The following SMIM21 variants were observed in gnomAD, a reference collection of about 807,000 sequenced individuals.
SMIM21 encodes the protein chromosome 18 open reading frame 62.
SMIM21 carries 8 observed loss-of-function variants against 8.6 expected under a neutral mutation model. The observed-to-expected ratio is 0.93, with a 90% CI of 0.55 to 1.68. SMIM21 has a LOEUF of 1.68. SMIM21 is among the 40% of genes most tolerant of loss of function. The pLI, the probability that SMIM21 is intolerant of heterozygous loss-of-function variation, is 0.00. For synonymous variants in SMIM21, 43 were observed against 41.7 expected (o/e 1.03, Z -0.12); for missense variants, 132 against 123.0 (o/e 1.07, Z -0.35).
In SMIM21 at chr18:75,418,881, C is replaced by T. The variant is rs201739657; in HGVS notation, c.165G>A (p.Leu55=). The change falls in exon 2 of 3, where the codon TTG becomes TTA. Residue 55 remains leucine, a synonymous_variant. Transcript: ENST00000579022. ...ENEHHIRFFT[L]LVLFHVMVLL... ...ACACCATCACATGGAAAAGAACCAA[C>T]AATGTGAAGAAACGAATATGGTGTT... 1 of 1,604,732 alleles carries T rather than the reference C, an allele frequency of 6.2e-7. No individual in the cohort carries two copies. The highest frequency in any genetic ancestry group is 8.5e-7 in the Non-Finnish European group (1 of 1,171,798).
At chr18:75,413,242 T>C (rs1382833288) in intron 2 of SMIM21, among the ~76,000 whole-genome samples, 1 of 152,198 alleles carries the variant, frequency 6.6e-6, no homozygotes, top group African/African-American at 2.4e-5. Context: ...TCCAGAGCCC[T>C]AGCCCATGCC....
At chr18:75,414,333 A>C (rs1215615162) in intron 2 of SMIM21, among the ~76,000 whole-genome samples, 2 of 152,182 alleles carry the variant, frequency 1.3e-5, no homozygotes, top group African/African-American at 4.8e-5. Flanking sequence ...TTTATTGTGC[A>C]CTTACTACAT....
chr18:75,411,022 AT>A, intron 2 of SMIM21, 113 bp from the exon 3 acceptor site: 4 of 1,432,604 alleles, frequency 2.8e-6, no homozygotes, highest in Admixed American at 2.0e-5. Context: ...TTAAAATTTA[AT>A]TTTTCCCCCC....
At chr18:75,425,080 C>T (rs573929403) in intron 1 of SMIM21, among the ~76,000 whole-genome samples, 2 of 152,292 alleles carry the variant, frequency 1.3e-5, no homozygotes, top group Non-Finnish European at 2.9e-5. Context: ...ACAGATGATA[C>T]AAATGTGCAC....
intron 2 of SMIM21, 54 bp downstream of exon 2, chr18:75,418,732 A>C: frequency 6.7e-7 from 1 of 1,490,316 alleles, no homozygotes; most frequent in Non-Finnish European, 9.0e-7. Flanking sequence ...TCGTTTACTC[A>C]CTTTCAAAAT....
At chr18:75,421,150 A>T (rs935887292) in intron 1 of SMIM21, among the ~76,000 whole-genome samples, 3 of 152,224 alleles carry the variant, frequency 2.0e-5, no homozygotes, top group Non-Finnish European at 4.4e-5. Flanking sequence ...TAAAACAAAT[A>T]CAAAACAAAA....
intron 2 of SMIM21, 142 bp from the exon 3 acceptor site, chr18:75,411,051 T>C: frequency 8.1e-7 from 1 of 1,238,346 alleles, no homozygotes; most frequent in Non-Finnish European, 1.1e-6. Context: ...TGGAGTGTTT[T>C]GAGGCTGAGG....
chr18:75,418,945 T>C, intron 1 of SMIM21, 29 bp from the exon 2 acceptor site: 1 of 1,495,518 alleles, frequency 6.7e-7, no homozygotes, highest in Non-Finnish European at 9.3e-7. Context: ...ACAGTTACTA[T>C]TTACAGTGTC....
chr18:75,415,224 T>C (rs1483412731), intron 2 of SMIM21, among the ~76,000 whole-genome samples: 1 of 152,176 alleles, frequency 6.6e-6, no homozygotes, highest in African/African-American at 2.4e-5. Flanking sequence ...GCGCCCACAG[T>C]GACAGTGGAT....
At chr18:75,413,163 G>T (rs2024601229) in intron 2 of SMIM21, among the ~76,000 whole-genome samples, 1 of 152,074 alleles carries the variant, frequency 6.6e-6, no homozygotes, top group Non-Finnish European at 1.5e-5. Flanking sequence ...GATGCTTCCT[G>T]AAGAAAGTCT....
intron 2 of SMIM21, chr18:75,416,960 A>C (rs1187241871): frequency 6.6e-6 from 1 of 152,236 alleles, no homozygotes; most frequent in Non-Finnish European, 1.5e-5. Flanking sequence ...CAGAGGACAG[A>C]GCACACTGCT....
intron 1 of SMIM21, among the ~76,000 whole-genome samples, chr18:75,423,215 G>A (rs541674559): frequency 1.3e-5 from 2 of 152,300 alleles, no homozygotes; most frequent in South Asian, 4.1e-4. Context: ...GTCTGGTGAG[G>A]GTTCAAGGTT....
chr18:75,425,239 T>C (rs993547174), intron 1 of SMIM21, among the ~76,000 whole-genome samples: 7 of 152,188 alleles, frequency 4.6e-5, no homozygotes, highest in Non-Finnish European at 2.9e-5. Context: ...CTGGATTTAA[T>C]GAACACCCAG....
In SMIM21 at chr18:75,418,976, T is replaced by C. The variant is rs139775601; in HGVS notation, c.130-60A>G. ...GTGTCTGGCTTTTCAAGCTTCATGC[T>C]ACAAGCAGCTAACTCTTTGTCAAAC... On this transcript the variant is annotated intron_variant, in intron 1 of 2. Transcript: ENST00000579022. 3.1e-3 allele frequency: 3,157 copies of C among 1,030,966 alleles called. 76 individuals carry two copies. The Admixed American group carries it at 0.038, about 12-fold the overall frequency. 63.9% of individuals were successfully genotyped at this position (1,030,966 alleles called of 1,614,324 possible). A position where few individuals can be genotyped will look rare whatever the true frequency, so the allele number is the denominator to read the frequency against.
chr18:75,411,910 G>T (rs2024588589), intron 2 of SMIM21, among the ~76,000 whole-genome samples: 1 of 152,138 alleles, frequency 6.6e-6, no homozygotes, highest in Non-Finnish European at 1.5e-5. Flanking sequence ...CTGCTCTATA[G>T]AAGGCATGCA....
At position 75,427,302 on chromosome 18, in the gene SMIM21, T is replaced by TA. The variant is rs201053402; in HGVS notation, c.129+132dup. 1.3e-4 allele frequency: 146 copies of TA among 1,129,046 alleles called. No individual in the cohort carries two copies. The East Asian group carries it at 3.4e-3, about 26-fold the overall frequency. 69.9% of individuals were successfully genotyped at this position (1,129,046 alleles called of 1,614,324 possible). ...AGAGCTCTGGATTGACGTCTCATCT[T>TA]AAACTTCGTAGAATCTGGATTTGAG... On this transcript the variant is annotated intron_variant, in intron 1 of 2. Coordinates refer to ENST00000579022, the MANE Select transcript of SMIM21 (RefSeq NM_001037331.3).
intron 1 of SMIM21, among the ~76,000 whole-genome samples, chr18:75,422,819 C>T (rs1391203115): frequency 6.6e-6 from 1 of 152,154 alleles, no homozygotes; most frequent in African/African-American, 2.4e-5. Context: ...GAAGGAGTGA[C>T]TGCTGATGGT....
intron 2 of SMIM21, among the ~76,000 whole-genome samples, chr18:75,414,503 G>A (rs1467651129): frequency 6.6e-6 from 1 of 152,108 alleles, no homozygotes; most frequent in African/African-American, 2.4e-5. Flanking sequence ...GGAGCACTGG[G>A]GGAAGGGAAA....
At chr18:75,419,594 G>A (rs931414867) in intron 1 of SMIM21, among the ~76,000 whole-genome samples, 26 of 152,122 alleles carry the variant, frequency 1.7e-4, no homozygotes, top group African/African-American at 5.8e-4. Context: ...AGTCAAGGTG[G>A]TGGCCATTGG....
Sources: allele counts gnomAD v4.1 joint callset (sites outside exome capture counted in the v4.1 genomes callset), GRCh38; gene constraint gnomAD v4.1.1; transcripts MANE v1.5; gene names NCBI Gene and HGNC (gene_info 2026-07-23, HGNC 2026-07-21).